Variants in PTPN13 observed in about 807,000 individuals in gnomAD.
PTPN13 encodes protein tyrosine phosphatase non-receptor type 13, also known as tyrosine-protein phosphatase non-receptor type 13.
PTPN13 carries 191 observed loss-of-function variants against 284.0 expected under a neutral mutation model. The ratio of observed to expected loss-of-function variants is 0.67; its 90% CI spans 0.60 to 0.76. The LOEUF (loss-of-function observed/expected upper bound fraction) is 0.76. Ranked by LOEUF, PTPN13 falls within the 30% of genes least tolerant of loss-of-function variation. The pLI is 0.00. For synonymous variants in PTPN13, 986 were observed against 1,022.3 expected (o/e 0.96, Z 0.68); for missense variants, 2,797 against 2,939.9 (o/e 0.95, Z 1.12).
At chr4:86,659,977 CTG>C (rs1328395581) in intron 2 of PTPN13, among the ~76,000 whole-genome samples, 1 of 152,094 alleles carries the variant, frequency 6.6e-6, no homozygotes, top group East Asian at 1.9e-4. Context: ...CATATGAAAA[CTG>C]TGAGTACTTA....
chr4:86,617,616 C>T (rs369679768), intron 1 of PTPN13, among the ~76,000 whole-genome samples: 27 of 151,770 alleles, frequency 1.8e-4, no homozygotes, highest in Middle Eastern at 3.4e-3. Context: ...TTTTAATGAT[C>T]GCCATTCTAA....
chr4:86,785,285 T>C lies in PTPN13; in HGVS notation c.6173T>C (p.Ile2058Thr). 1 of 1,602,122 alleles carries C rather than the reference T, an allele frequency of 6.2e-7. No homozygotes were observed. Among genetic ancestry groups the C allele is most frequent in the Non-Finnish European group, 8.5e-7 (1 of 1,170,468 alleles). Residue 2058 changes from isoleucine (I) to threonine (T), a missense_variant, in exon 39 of 48, where the codon ATC (isoleucine) becomes ACC (threonine). Ile to Thr is a moderately conservative substitution (Grantham distance 89, BLOSUM62 -1). Transcript: ENST00000411767. ...IYDDSQEAEV[I>T]QSLLDVVDEE... ...GATGATTCCCAAGAAGCTGAAGTTA[T>C]CCAGTCTCTGCTGGATGTTGTGGAT...
rs796103815 is a variant in PTPN13, at chr4:86,808,675, G to T, written c.7083+778G>T. Among the ~76,000 whole-genome samples the T allele has an allele frequency of 1.3e-4, 19 of 151,968 alleles. 1 individual carries two copies. In the South Asian group the frequency reaches 3.7e-3, roughly 30 times the overall value. On this transcript the variant is annotated intron_variant, in intron 45 of 47. Coordinates refer to ENST00000411767, the MANE Select transcript of PTPN13 (RefSeq NM_080683.3). The stretch of plus-strand genomic sequence containing the variant: ...TTTACACTAGCTTACCTATTACTTA[G>T]GCTAGCACAGTTGTTCAATATTCTT...
chr4:86,787,249 G>T (rs1264791383), intron 40 of PTPN13, among the ~76,000 whole-genome samples: 1 of 151,792 alleles, frequency 6.6e-6, no homozygotes, highest in Non-Finnish European at 1.5e-5. Flanking sequence ...TTTTCATTAT[G>T]AAAATATTAC....
intron 17 of PTPN13, among the ~76,000 whole-genome samples, chr4:86,746,039 G>A (rs1418676510): frequency 6.6e-6 from 1 of 152,072 alleles, no homozygotes; most frequent in East Asian, 1.9e-4. Context: ...TAGTCTTCTG[G>A]GTGGCAGATT....
chr4:86,805,400 T>C (rs953397505), intron 44 of PTPN13, 31 bp downstream of exon 44: 7 of 1,383,816 alleles, frequency 5.1e-6, no homozygotes, highest in Non-Finnish European at 7.1e-6. Flanking sequence ...AGATTTAATA[T>C]GTGATCAGTA....
chr4:86,731,080 A>G (rs969629793), intron 10 of PTPN13, among the ~76,000 whole-genome samples: 1 of 152,236 alleles, frequency 6.6e-6, no homozygotes, highest in Admixed American at 6.5e-5. Flanking sequence ...TAAATTGAAT[A>G]GAATTCCTAC....
At chr4:86,761,662 G>A (rs1738713306) in intron 23 of PTPN13, among the ~76,000 whole-genome samples, 1 of 152,180 alleles carries the variant, frequency 6.6e-6, no homozygotes, top group Non-Finnish European at 1.5e-5. Context: ...GAGCAATAGT[G>A]AGAATGTCTT....
rs1428104537 is a variant in PTPN13, at chr4:86,750,541, A to G, written c.2722A>G (p.Ser908Gly). 6.2e-7 allele frequency: 1 copy of G among 1,613,876 alleles called. No individual in the cohort carries two copies. Among genetic ancestry groups the G allele is most frequent in the African/African-American group, 1.3e-5 (1 of 74,926 alleles). Residue 908 changes from serine to glycine, a missense_variant, in exon 18 of 48, where the codon AGC (serine) becomes GGC (glycine). Ser to Gly is a moderately conservative substitution (Grantham distance 56). Coordinates refer to ENST00000411767, the MANE Select transcript of PTPN13 (RefSeq NM_080683.3). Reference sequence around the variant, plus strand: ...AGGATTTAATATGGGACGAGCAATCAGCACTGGCAGTCTGGCCAGCAGCAC... The same window carrying G: ...AGGATTTAATATGGGACGAGCAATCGGCACTGGCAGTCTGGCCAGCAGCAC... ...VRGFNMGRAI[S>G]TGSLASSTLN...
chr4:86,758,525 T>C, intron 21 of PTPN13, 153 bp from the exon 22 acceptor site: 3 of 890,746 alleles, frequency 3.4e-6, no homozygotes, highest in Non-Finnish European at 5.1e-6. Flanking sequence ...TAATAAGAAA[T>C]GCCTACAAGA....
intron 3 of PTPN13, among the ~76,000 whole-genome samples, chr4:86,673,825 A>G (rs576816991): frequency 6.6e-6 from 1 of 152,274 alleles, no homozygotes; most frequent in East Asian, 1.9e-4. Flanking sequence ...CTCCTGCCTC[A>G]GACTCCCAAG....
intron 1 of PTPN13, among the ~76,000 whole-genome samples, chr4:86,596,542 G>A (rs1406565737): frequency 2.0e-5 from 3 of 152,164 alleles, no homozygotes; most frequent in Non-Finnish European, 1.5e-5. Context: ...ATGTGAATGT[G>A]AGAATTAGCT....
intron 6 of PTPN13, among the ~76,000 whole-genome samples, chr4:86,696,821 C>T (rs919526532): frequency 1.3e-5 from 2 of 151,792 alleles, no homozygotes; most frequent in African/African-American, 4.8e-5. Flanking sequence ...GTTTGTGTTT[C>T]TATTTTTTTT....
intron 10 of PTPN13, 88 bp downstream of exon 10, chr4:86,722,522 TC>T: frequency 9.3e-7 from 1 of 1,072,540 alleles, no homozygotes; most frequent in Non-Finnish European, 1.4e-6. Context: ...GCTACAGGTA[TC>T]CATCTAAAGT....
intron 2 of PTPN13, among the ~76,000 whole-genome samples, chr4:86,669,285 GTATATA>G (rs34939020): frequency 0.019 from 2,177 of 113,340 alleles, 28 homozygotes; most frequent in African/African-American, 0.031. Flanking sequence ...GGAAGAAGAT[GTATATA>G]TATATATATA....
intron 24 of PTPN13, 64 bp from the exon 25 acceptor site, chr4:86,764,524 TTAAAA>T: frequency 8.1e-7 from 1 of 1,233,064 alleles, no homozygotes; most frequent in Non-Finnish European, 1.1e-6. Flanking sequence ...AAAAAAGAAA[TTAAAA>T]AAAGAAAAAT....
In PTPN13 at chr4:86,735,638, C is replaced by A. The variant is rs367983331; in HGVS notation, c.2196C>A (p.Ala732=). 100 of 1,613,390 alleles carry A rather than the reference C, an allele frequency of 6.2e-5. No individual in the cohort carries two copies. Among genetic ancestry groups the A allele is most frequent in the Non-Finnish European group, 8.1e-5 (96 of 1,179,674 alleles). Residue 732 remains alanine, a synonymous_variant, in exon 15 of 48, where the codon GCC becomes GCA. Transcript: ENST00000411767. ...TTAGAATGGAGCACTATTTGCCCGC[C>A]AGAGTGATGGAGAAACTTGATTTAT... ...SYFRMEHYLP[A]RVMEKLDLSY... is the part of the protein sequence containing the mutation.
chr4:86,595,146 G>A (rs532043300), intron 1 of PTPN13, among the ~76,000 whole-genome samples: 1 of 152,134 alleles, frequency 6.6e-6, no homozygotes, highest in African/African-American at 2.4e-5. Flanking sequence ...GCACAGCTCC[G>A]CTCTGTGCGT....
intron 1 of PTPN13, among the ~76,000 whole-genome samples, chr4:86,632,424 T>G (rs1722568478): frequency 6.6e-6 from 1 of 152,132 alleles, no homozygotes; most frequent in Admixed American, 6.6e-5. Flanking sequence ...TGCTTTACTG[T>G]TTTTGAACTT....
Sources: allele counts gnomAD v4.1 joint callset (sites outside exome capture counted in the v4.1 genomes callset), GRCh38; gene constraint gnomAD v4.1.1; transcripts MANE v1.5; gene names NCBI Gene and HGNC (gene_info 2026-07-23, HGNC 2026-07-21).